Variants in NPAS3 observed in about 807,000 individuals in gnomAD.
NPAS3 encodes the protein neuronal PAS domain-containing protein 3.
A neutral mutation model predicts 73.1 loss-of-function variants in NPAS3; 14 were observed. The observed-to-expected ratio is 0.19, with a 90% CI of 0.13 to 0.30. The LOEUF is 0.30. Ranked by LOEUF, NPAS3 falls within the 10% of genes least tolerant of loss-of-function variation. The probability of loss-of-function intolerance (pLI) is 1.00; values close to 1 mark genes in which losing one functional copy is unlikely to be tolerated. For missense variants in NPAS3, 1,096 were observed against 1,250.0 expected (o/e 0.88, Z 1.86); for synonymous variants, 620 against 541.5 (o/e 1.14, Z -2.01).
chr14:33,229,800 A>G (rs1406601271), intron 3 of NPAS3, among the ~76,000 whole-genome samples: 1 of 152,200 alleles, frequency 6.6e-6, no homozygotes, highest in Non-Finnish European at 1.5e-5. Flanking sequence ...AATTTGTACA[A>G]TTCAGGAAAG....
In NPAS3 at chr14:33,003,370, G is replaced by A. The variant is rs147401535; in HGVS notation, c.51-52535G>A. On this transcript the variant is annotated intron_variant, in intron 1 of 11. Coordinates refer to ENST00000356141, the Ensembl canonical transcript of NPAS3. ...GCTACAAGTTTATCAATTTAAGCAG[G>A]CCAACTGCACAACTAAATGCATGTG... Among the ~76,000 whole-genome samples the A allele has an allele frequency of 5.7e-3, 870 of 152,110 alleles. 8 individuals carry two copies. Among genetic ancestry groups the A allele is most frequent in the Middle Eastern group, 0.041 (12 of 292 alleles).
At chr14:33,152,311 A>G (rs1285509402) in intron 2 of NPAS3, among the ~76,000 whole-genome samples, 1 of 152,062 alleles carries the variant, frequency 6.6e-6, no homozygotes, top group South Asian at 2.1e-4. Context: ...TGGGAGCATC[A>G]TTACTTCTCC....
At chr14:33,779,135 C>T (rs2138514358) in intron 9 of NPAS3, among the ~76,000 whole-genome samples, 1 of 152,328 alleles carries the variant, frequency 6.6e-6, no homozygotes, top group African/African-American at 2.4e-5. Flanking sequence ...GTAGGTATCT[C>T]CATCCCCCAA....
In NPAS3 at chr14:33,800,125, G is replaced by A; in HGVS notation, c.1818G>A (p.Arg606=). The stretch of plus-strand genomic sequence containing the variant: ...AGAAGCGCAAGAAAAGGCGGAAACG[G>A]CAAAAGGGCGGCAGCGCCAGCCGCC... The change falls in exon 12 of 12, where the codon CGG becomes CGA. Residue 606 remains arginine, a synonymous_variant. Coordinates refer to ENST00000356141, the Ensembl canonical transcript of NPAS3. The surrounding 1 kb of genome is among the most constrained non-coding windows in gnomAD (Gnocchi z 6.5). 2 of 1,581,936 alleles carry A rather than the reference G, an allele frequency of 1.3e-6. No homozygotes were observed. Among genetic ancestry groups the A allele is most frequent in the Admixed American group, 1.8e-5 (1 of 54,642 alleles).
At chr14:33,121,795 G>T (rs1595492680) in intron 2 of NPAS3, among the ~76,000 whole-genome samples, 1 of 152,146 alleles carries the variant, frequency 6.6e-6, no homozygotes, top group African/African-American at 2.4e-5. Flanking sequence ...TGTTCAATTG[G>T]AGAGAAGCTG....
intron 4 of NPAS3, among the ~76,000 whole-genome samples, chr14:33,539,409 G>A (rs992750306): frequency 2.6e-5 from 4 of 152,024 alleles, no homozygotes; most frequent in Non-Finnish European, 4.4e-5. Flanking sequence ...GATCAAAACT[G>A]TACGGCAAAC....
exon 9 of NPAS3, chr14:33,778,490 C>A (rs1380799235): frequency 6.2e-7 from 1 of 1,612,656 alleles, no homozygotes; most frequent in Non-Finnish European, 8.5e-7. Flanking sequence ...TGGATCTGAC[C>A]CCTGTAGATA....
intron 4 of NPAS3, among the ~76,000 whole-genome samples, chr14:33,499,795 T>C (rs945469573): frequency 6.6e-6 from 1 of 151,968 alleles, no homozygotes; most frequent in East Asian, 1.9e-4. Context: ...GATGCTCCTG[T>C]TGTATGGATG....
At chr14:32,938,077 G>C (rs375723960), upstream of NPAS3, among the ~76,000 whole-genome samples, 21 of 152,254 alleles carry the variant, frequency 1.4e-4, no homozygotes, top group East Asian at 1.5e-3. Context: ...CTGTATGTGA[G>C]TTTAAACGCG....
At chr14:33,264,867 A>T (rs970090005) in intron 3 of NPAS3, among the ~76,000 whole-genome samples, 2 of 152,094 alleles carry the variant, frequency 1.3e-5, no homozygotes, top group Non-Finnish European at 2.9e-5. Flanking sequence ...GAGACCAGGG[A>T]CCTAAGGCCT....
At chr14:33,519,329 C>T (rs890544661) in intron 4 of NPAS3, among the ~76,000 whole-genome samples, 7 of 152,126 alleles carry the variant, frequency 4.6e-5, no homozygotes, top group African/African-American at 1.4e-4. Flanking sequence ...CTACTCTTCT[C>T]GTGCCCAGCT....
chr14:33,023,918 A>G lies in NPAS3; in HGVS notation c.51-31987A>G, dbSNP rs770482796. ...CAAATACTTATTGAACATTTACTGT[A>G]TGTCGACCACTAATGTAGGGGTGCA... is the stretch of plus-strand genomic sequence containing the variant. On this transcript the variant is annotated intron_variant, in intron 1 of 11. Transcript: ENST00000356141. 2.9e-4 allele frequency among the ~76,000 whole-genome samples: 44 copies of G among 152,108 alleles called. 1 individual carries two copies. Among genetic ancestry groups the G allele is most frequent in the Non-Finnish European group, 1.2e-4 (8 of 68,016 alleles).
intron 2 of NPAS3, among the ~76,000 whole-genome samples, chr14:33,168,319 C>T (rs948402585): frequency 7.9e-5 from 12 of 151,768 alleles, no homozygotes; most frequent in Non-Finnish European, 1.3e-4. Context: ...AAAGGGGATT[C>T]GAAGGCAAAC....
intron 3 of NPAS3, among the ~76,000 whole-genome samples, chr14:33,282,262 C>T (rs1263763754): frequency 6.6e-6 from 1 of 152,190 alleles, no homozygotes; most frequent in African/African-American, 2.4e-5. Context: ...AGGCTTTGTG[C>T]CTATGCCTTT....
chr14:33,295,247 A>G (rs962617222), intron 3 of NPAS3, among the ~76,000 whole-genome samples: 2 of 152,204 alleles, frequency 1.3e-5, no homozygotes, highest in African/African-American at 4.8e-5. Context: ...TGATGACTAA[A>G]AACAGAATAA....
intron 1 of NPAS3, among the ~76,000 whole-genome samples, chr14:33,008,445 A>C (rs2039075700): frequency 6.6e-6 from 1 of 152,220 alleles, no homozygotes; most frequent in East Asian, 1.9e-4. Context: ...GGGAGTGCAT[A>C]CCAACTTGAT....
At chr14:33,798,769 T>C (rs192520046) in intron 11 of NPAS3, among the ~76,000 whole-genome samples, 12 of 152,204 alleles carry the variant, frequency 7.9e-5, no homozygotes, top group Non-Finnish European at 1.5e-4. Context: ...CAGTGCATAG[T>C]TGTGAACAAA....
chr14:33,161,414 A>G (rs1339815880), intron 2 of NPAS3, among the ~76,000 whole-genome samples: 1 of 152,214 alleles, frequency 6.6e-6, no homozygotes, highest in East Asian at 1.9e-4. Context: ...TTATGCAGTT[A>G]GTGAAAAGAA....
intron 1 of NPAS3, among the ~76,000 whole-genome samples, chr14:32,942,016 C>A (rs2036037354): frequency 6.6e-6 from 1 of 152,182 alleles, no homozygotes; most frequent in African/African-American, 2.4e-5. Flanking sequence ...TTCATACTTG[C>A]TTCAAGTAAG....
Sources: gnomAD v4.1 joint callset for allele counts (sites outside exome capture counted in the v4.1 genomes callset) on GRCh38, gnomAD v4.1.1 for gene constraint, Gnocchi (gnomAD v3.1) non-coding constraint, MANE v1.5 for transcripts, NCBI Gene and HGNC (gene_info 2026-07-23, HGNC 2026-07-21) for gene names.